The following ZNF618 variants were observed in gnomAD, a reference collection of about 807,000 sequenced individuals.
ZNF618 encodes the protein neural precursor cell expressed, developmentally down-regulated 10.
ZNF618 carries 34 observed loss-of-function variants against 103.0 expected under a neutral mutation model. The observed-to-expected ratio is 0.33, with a 90% CI of 0.25 to 0.44. The LOEUF (loss-of-function observed/expected upper bound fraction) is 0.44, where lower values mean the gene tolerates loss of function less well. ZNF618 is among the 20% of genes least tolerant of loss of function. The pLI is 1.00. For missense variants in ZNF618, 1,059 were observed against 1,295.4 expected (o/e 0.82, Z 2.80); for synonymous variants, 551 against 542.2 (o/e 1.02, Z -0.23).
chr9:113,974,997 C>A (rs192609298), intron 2 of ZNF618, among the ~76,000 whole-genome samples: 1 of 152,162 alleles, frequency 6.6e-6, no homozygotes, highest in Non-Finnish European at 1.5e-5. Context: ...AATATATATA[C>A]CCTTAGCACA....
chr9:113,919,279 A>G (rs1832419918), intron 1 of ZNF618, among the ~76,000 whole-genome samples: 1 of 152,122 alleles, frequency 6.6e-6, no homozygotes, highest in Admixed American at 6.5e-5. Flanking sequence ...CTGGTGGCTG[A>G]TGGCAGAGGT....
At chr9:114,047,457 T>A (rs1845748011) in intron 13 of ZNF618, among the ~76,000 whole-genome samples, 1 of 152,204 alleles carries the variant, frequency 6.6e-6, no homozygotes, top group South Asian at 2.1e-4. Flanking sequence ...TTTGCGAAAG[T>A]GAGAGAGTAT....
intron 1 of ZNF618, among the ~76,000 whole-genome samples, chr9:113,932,518 G>A (rs981552821): frequency 1.3e-5 from 2 of 152,198 alleles, no homozygotes; most frequent in Non-Finnish European, 2.9e-5. Flanking sequence ...GGGAAACTTA[G>A]AGGGAGCCCA....
chr9:113,981,187 C>T (rs562182747), intron 2 of ZNF618, among the ~76,000 whole-genome samples: 1 of 152,172 alleles, frequency 6.6e-6, no homozygotes, highest in Admixed American at 6.5e-5. Flanking sequence ...GGGAGTTAAC[C>T]AAGTCATTAT....
intron 13 of ZNF618, among the ~76,000 whole-genome samples, chr9:114,041,062 T>G (rs1375066762): frequency 6.6e-6 from 1 of 152,260 alleles, no homozygotes; most frequent in Non-Finnish European, 1.5e-5. Context: ...GGTTTTGATT[T>G]GCATTTCTCT....
intron 13 of ZNF618, among the ~76,000 whole-genome samples, chr9:114,045,431 A>T (rs965553980): frequency 3.3e-5 from 5 of 151,900 alleles, no homozygotes; most frequent in Admixed American, 2.6e-4. Flanking sequence ...ATTCTTTTAC[A>T]TGTGGGTATC....
Position 114,053,013 on chromosome 9 carries a change from C to A in ZNF618, c.*2846C>A, listed in dbSNP as rs1276328101. ...CTCAGAAAGCTGTCCTCTGGGGCTG[C>A]CTTGTCCAGTTAGATAACAAGATAG... is the stretch of plus-strand genomic sequence containing the variant. On this transcript the variant is annotated 3_prime_UTR_variant, in exon 15 of 15. Coordinates refer to ENST00000374126, the MANE Select transcript of ZNF618 (RefSeq NM_001318042.2). 1 of 152,270 alleles carries A rather than the reference C, an allele frequency of 6.6e-6. No homozygotes were observed. Among genetic ancestry groups the A allele is most frequent in the Admixed American group, 6.5e-5 (1 of 15,284 alleles). The allele number at this position is 152,270 out of a possible 1,614,324, so 9.4% of individuals were successfully genotyped here. A position where few individuals can be genotyped will look rare whatever the true frequency, so the allele number is the denominator to read the frequency against.
intron 13 of ZNF618, among the ~76,000 whole-genome samples, chr9:114,036,940 G>A (rs977377783): frequency 2.0e-5 from 3 of 152,200 alleles, no homozygotes; most frequent in Admixed American, 2.0e-4. Flanking sequence ...TGATTCTGTA[G>A]GTCTGCAGAG....
rs1846199224 is a variant in ZNF618, at chr9:114,052,506, C to T, written c.*2339C>T. Reference sequence around the variant, plus strand: ...TCCTAGGGAATATGGGAAGAAACATCAGCAGACTTTATGATGTCAGTTGGG... The same window carrying T: ...TCCTAGGGAATATGGGAAGAAACATTAGCAGACTTTATGATGTCAGTTGGG... On this transcript the variant is annotated 3_prime_UTR_variant, in exon 15 of 15. Coordinates refer to ENST00000374126, the MANE Select transcript of ZNF618 (RefSeq NM_001318042.2). 6.6e-6 allele frequency: 1 copy of T among 152,322 alleles called. No homozygotes were observed. The highest frequency in any genetic ancestry group is 2.4e-5 in the African/African-American group (1 of 41,456). The allele number at this position is 152,322 out of a possible 1,614,324, so 9.4% of individuals were successfully genotyped here. A position where few individuals can be genotyped will look rare whatever the true frequency, so the allele number is the denominator to read the frequency against.
At chr9:113,876,463 CGGGGCCCGGGGCGCT>C (rs1827941369) in intron 1 of ZNF618, 50 bp downstream of exon 1, 1 of 1,164,906 alleles carries the variant, frequency 8.6e-7, no homozygotes, top group African/African-American at 1.6e-5. Context: ...CCCGGGGGGC[CGGGGCCCGGGGCGCT>C]GCGCCACTTC....
chr9:113,956,830 A>T (rs1335093173), intron 1 of ZNF618, among the ~76,000 whole-genome samples: 1 of 152,250 alleles, frequency 6.6e-6, no homozygotes, highest in East Asian at 1.9e-4. Context: ...GCTAAAGTTA[A>T]CTACTAATAA....
chr9:113,921,438 A>T (rs904260662), intron 1 of ZNF618, among the ~76,000 whole-genome samples: 1 of 152,238 alleles, frequency 6.6e-6, no homozygotes, highest in African/African-American at 2.4e-5. Context: ...AGCCATCCAC[A>T]TGTTAGGCTG....
chr9:114,035,934 G>A (rs1480848981), intron 12 of ZNF618, among the ~76,000 whole-genome samples: 1 of 152,184 alleles, frequency 6.6e-6, no homozygotes, highest in Admixed American at 6.5e-5. Context: ...GAGAGCTGGG[G>A]CTGTGACACC....
At chr9:113,886,408 C>T (rs764474220) in intron 1 of ZNF618, among the ~76,000 whole-genome samples, 7 of 151,704 alleles carry the variant, frequency 4.6e-5, no homozygotes, top group Admixed American at 1.3e-4. Flanking sequence ...TTTTTGCAAG[C>T]GAAGAAGATG....
intron 9 of ZNF618, among the ~76,000 whole-genome samples, chr9:114,013,623 G>A (rs926131183): frequency 2.0e-5 from 3 of 152,100 alleles, no homozygotes; most frequent in African/African-American, 7.2e-5. Flanking sequence ...AGTAGAGACG[G>A]GGTTTCACCG....
intron 1 of ZNF618, among the ~76,000 whole-genome samples, chr9:113,922,944 C>T (rs1832778586): frequency 6.6e-6 from 1 of 152,136 alleles, no homozygotes; most frequent in African/African-American, 2.4e-5. Flanking sequence ...CATGGAATAT[C>T]TCTTTATTTA....
chr9:113,901,913 G>T (rs894933931), intron 1 of ZNF618, among the ~76,000 whole-genome samples: 2 of 152,072 alleles, frequency 1.3e-5, no homozygotes, highest in East Asian at 3.9e-4. Context: ...TGTCGCAGTG[G>T]GGGGGACATC....
intron 2 of ZNF618, among the ~76,000 whole-genome samples, chr9:113,971,012 A>T (rs1030479876): frequency 8.8e-5 from 13 of 147,632 alleles, no homozygotes; most frequent in Non-Finnish European, 1.5e-5. Flanking sequence ...GTGGGAGAGG[A>T]GCAGGTAGAG....
chr9:113,979,983 G>T (rs527282166), intron 2 of ZNF618, among the ~76,000 whole-genome samples: 2 of 152,280 alleles, frequency 1.3e-5, no homozygotes, highest in South Asian at 4.1e-4. Context: ...AGGAGAAAGG[G>T]GGGGTGGCTT....
Sources: gnomAD v4.1 joint callset for allele counts (sites outside exome capture counted in the v4.1 genomes callset) on GRCh38, gnomAD v4.1.1 for gene constraint, MANE v1.5 for transcripts, NCBI Gene and HGNC (gene_info 2026-07-23, HGNC 2026-07-21) for gene names.